Variants in DLG2 observed in about 807,000 individuals in gnomAD.
The protein encoded by DLG2 is disks large homolog 2.
DLG2 carries 45 observed loss-of-function variants against 132.5 expected under a neutral mutation model. The observed-to-expected ratio is 0.34, with a 90% confidence interval of 0.27 to 0.44. The LOEUF (loss-of-function observed/expected upper bound fraction) is 0.44. DLG2 is among the 20% of genes least tolerant of loss of function. DLG2 has a pLI of 1.00. For missense variants in DLG2, 1,045 were observed against 1,196.9 expected (o/e 0.87, Z 1.87); for synonymous variants, 424 against 419.6 (o/e 1.01, Z -0.13).
intron 17 of DLG2, among the ~76,000 whole-genome samples, chr11:83,802,881 A>G (rs2044854592): frequency 6.6e-6 from 1 of 152,130 alleles, no homozygotes. Context: ...GGGCTATGGT[A>G]TTGTGGTGGG....
intron 6 of DLG2, among the ~76,000 whole-genome samples, chr11:84,712,943 G>C (rs1326275119): frequency 2.0e-5 from 3 of 152,074 alleles, no homozygotes; most frequent in Non-Finnish European, 4.4e-5. Flanking sequence ...GTGTGACCTT[G>C]AGTAAGTCAT....
intron 6 of DLG2, among the ~76,000 whole-genome samples, chr11:84,802,640 A>C (rs1042393502): frequency 4.1e-5 from 4 of 97,774 alleles, no homozygotes; most frequent in Admixed American, 3.8e-4. Flanking sequence ...ACAAGTCAGC[A>C]AAAAAAAAAA....
At chr11:84,775,318 C>A (rs1331015681) in intron 6 of DLG2, among the ~76,000 whole-genome samples, 3 of 152,058 alleles carry the variant, frequency 2.0e-5, no homozygotes, top group African/African-American at 7.2e-5. Flanking sequence ...GCTTGTACAC[C>A]TTTGGTGGGA....
At chr11:84,380,551 C>T (rs2098745738) in intron 7 of DLG2, among the ~76,000 whole-genome samples, 1 of 151,684 alleles carries the variant, frequency 6.6e-6, no homozygotes, top group East Asian at 1.9e-4. Context: ...CTGAATATTA[C>T]AATATGTGGA....
intron 6 of DLG2, among the ~76,000 whole-genome samples, chr11:84,759,655 A>G (rs1272530868): frequency 6.6e-6 from 1 of 152,222 alleles, no homozygotes; most frequent in Non-Finnish European, 1.5e-5. Flanking sequence ...TTGTTTACAC[A>G]AAGCAAAAGT....
chr11:83,981,717 A>T (rs1302203511), intron 11 of DLG2, among the ~76,000 whole-genome samples: 2 of 152,186 alleles, frequency 1.3e-5, no homozygotes, highest in Admixed American at 1.3e-4. Context: ...GATTACAGGC[A>T]TGAGCCACCA....
At chr11:83,791,439 A>G (rs1428095628) in intron 17 of DLG2, 3 of 717,274 alleles carry the variant, frequency 4.2e-6, no homozygotes, top group Non-Finnish European at 7.7e-6. Flanking sequence ...TATCTTTACC[A>G]TAGCAGCTAC....
chr11:84,640,395 T>A (rs955508707), intron 6 of DLG2: 3 of 389,918 alleles, frequency 7.7e-6, no homozygotes, highest in Non-Finnish European at 1.3e-5. Context: ...TTGTTTGGTA[T>A]CTCAAGCCCA....
chr11:83,482,176 T>A (rs1322930572), intron 22 of DLG2, among the ~76,000 whole-genome samples: 2 of 152,118 alleles, frequency 1.3e-5, no homozygotes, highest in African/African-American at 4.8e-5. Context: ...TATAAATATC[T>A]TTTAAAAACT....
intron 17 of DLG2, among the ~76,000 whole-genome samples, chr11:83,814,164 C>A (rs2048174003): frequency 6.6e-6 from 1 of 152,100 alleles, no homozygotes; most frequent in Non-Finnish European, 1.5e-5. Flanking sequence ...ATCATACATT[C>A]TTTTGGACCA....
chr11:85,285,096 G>T, intron 4 of DLG2, 124 bp downstream of exon 4: 1 of 843,230 alleles, frequency 1.2e-6, no homozygotes, highest in Non-Finnish European at 1.8e-6. Context: ...ATACAGTATG[G>T]TATAACTACA....
intron 3 of DLG2, among the ~76,000 whole-genome samples, chr11:85,564,668 TA>T (rs2077432668): frequency 6.6e-6 from 1 of 152,090 alleles, no homozygotes; most frequent in African/African-American, 2.4e-5. Flanking sequence ...AGCTTTATAA[TA>T]AGTCTCAAAA....
intron 4 of DLG2, among the ~76,000 whole-genome samples, chr11:85,189,017 A>G (rs1205000315): frequency 6.6e-6 from 1 of 152,180 alleles, no homozygotes; most frequent in Non-Finnish European, 1.5e-5. Context: ...GAAAAAATGC[A>G]AAGCAATATC....
At chr11:83,663,623 T>G (rs1212714610) in intron 18 of DLG2, among the ~76,000 whole-genome samples, 1 of 152,188 alleles carries the variant, frequency 6.6e-6, no homozygotes, top group Non-Finnish European at 1.5e-5. Flanking sequence ...GTTCACTGGT[T>G]TTGTTCCGCC....
chr11:84,323,176 C>T (rs2098414042), intron 7 of DLG2, among the ~76,000 whole-genome samples: 2 of 152,056 alleles, frequency 1.3e-5, no homozygotes, highest in South Asian at 2.1e-4. Flanking sequence ...TAAAAGTCTA[C>T]ACCCATTGAA....
In DLG2 at chr11:83,672,833, C is replaced by T. The variant is rs1050189468; in HGVS notation, c.1826-39508G>A. ...ATCCCAGCACTTTGGGAGGCCGAGGCGGGTGAATCACGAGGTCAGGAGTGT... is the reference window on the plus strand; with the variant it reads ...ATCCCAGCACTTTGGGAGGCCGAGGTGGGTGAATCACGAGGTCAGGAGTGT... On this transcript the variant is annotated intron_variant, in intron 18 of 27. Transcript: ENST00000376104. 4.6e-5 allele frequency among the ~76,000 whole-genome samples: 7 copies of T among 152,078 alleles called. No individual in the cohort carries two copies. The South Asian group carries it at 1.5e-3, about 32-fold the overall frequency.
intron 6 of DLG2, among the ~76,000 whole-genome samples, chr11:85,058,752 G>T (rs1004921000): frequency 1.3e-5 from 2 of 151,230 alleles, no homozygotes; most frequent in African/African-American, 4.8e-5. Flanking sequence ...TACATCAAAG[G>T]TATACTATAA....
At chr11:85,465,822 G>A (rs2092770696) in intron 3 of DLG2, among the ~76,000 whole-genome samples, 1 of 151,528 alleles carries the variant, frequency 6.6e-6, no homozygotes, top group Admixed American at 6.6e-5. Context: ...TATATACCGA[G>A]TAATGGGATG....
chr11:83,701,449 T>C (rs1185306130), intron 18 of DLG2, among the ~76,000 whole-genome samples: 2 of 152,178 alleles, frequency 1.3e-5, no homozygotes, highest in Non-Finnish European at 2.9e-5. Flanking sequence ...CATTCATCCA[T>C]CCATTAAACC....
Sources: allele counts gnomAD v4.1 joint callset (sites outside exome capture counted in the v4.1 genomes callset), GRCh38; gene constraint gnomAD v4.1.1; transcripts MANE v1.5; gene names NCBI Gene and HGNC (gene_info 2026-07-23, HGNC 2026-07-21).